Variants in COL23A1 observed in about 807,000 individuals in gnomAD.
COL23A1 encodes collagen alpha-1(XXIII) chain.
In COL23A1, 97 loss-of-function variants were observed where a neutral mutation model predicts 99.3. That is an observed-to-expected ratio of 0.98 (90% CI 0.83 to 1.16). The LOEUF (loss-of-function observed/expected upper bound fraction) is 1.16, where lower values mean the gene tolerates loss of function less well. COL23A1 is among the 50% of genes most tolerant of loss of function. The probability of loss-of-function intolerance (pLI) is 0.00; values close to 1 mark genes in which losing one functional copy is unlikely to be tolerated. For missense variants in COL23A1, 762 were observed against 757.4 expected, an observed-to-expected ratio of 1.01 and a Z score of -0.07; for synonymous variants, 320 against 308.2, an observed-to-expected ratio of 1.04 and a Z score of -0.40.
chr5:178,245,067 A>AT (rs1764600153), intron 25 of COL23A1, among the ~76,000 whole-genome samples: 4 of 124,800 alleles, frequency 3.2e-5, no homozygotes, highest in African/African-American at 1.4e-4. Context: ...CCATCCATCC[A>AT]CTCATCATCT....
Position 178,247,799 on chromosome 5 carries a change from GC to G in COL23A1, c.1244del (p.Gly415AlafsTer65). ...AQLIVEPGPP[G>X]PPGPPGPMGL... ...CCATCGGGCCTGGGGGGCCAGGGGGGCCAGGGGGCCCTGGCTCCACTATGAG... is the reference window on the plus strand; with the variant it reads ...CCATCGGGCCTGGGGGGCCAGGGGGGCAGGGGGCCCTGGCTCCACTATGAG... On this transcript the variant is annotated frameshift_variant, in exon 21 of 29. Transcript: ENST00000390654. LOFTEE classifies it high-confidence loss of function. 1 of 1,613,294 alleles carries G rather than the reference GC, an allele frequency of 6.2e-7. No individual in the cohort carries two copies. The highest frequency in any genetic ancestry group is 1.3e-5 in the African/African-American group (1 of 74,920).
chr5:178,579,117 C>G (rs1363329193), intron 1 of COL23A1, among the ~76,000 whole-genome samples: 4 of 152,092 alleles, frequency 2.6e-5, no homozygotes, highest in African/African-American at 9.7e-5. Flanking sequence ...TCTGTATATC[C>G]TTAATAGGAT....
At chr5:178,325,036 C>A (rs1450967528) in intron 2 of COL23A1, among the ~76,000 whole-genome samples, 1 of 151,908 alleles carries the variant, frequency 6.6e-6, no homozygotes, top group South Asian at 2.1e-4. Flanking sequence ...CTATTCCCAG[C>A]TTTGCAGCTG....
At chr5:178,476,442 G>C (rs1417067271) in intron 2 of COL23A1, among the ~76,000 whole-genome samples, 1 of 152,114 alleles carries the variant, frequency 6.6e-6, no homozygotes, top group Non-Finnish European at 1.5e-5. Flanking sequence ...TGGCTCCTTT[G>C]GTATTTGGGG....
Position 178,246,255 on chromosome 5 carries a change from T to G in COL23A1, c.1412A>C (p.Lys471Thr), listed in dbSNP as rs2127530797. ...LIGLPGTKGE[K>T]GRPGEPGLDG... is the part of the protein sequence containing the mutation. ...GGGAGTTCCGAATGAGGCGGTTACC[T>G]TCTCTCCTTTGGTTCCTGGCAGCCC... Residue 471 changes from lysine to threonine, a missense_variant and splice_region_variant, in exon 24 of 29, where the codon AAG (lysine) becomes ACG (threonine). Transcript: ENST00000390654. 1 of 1,553,602 alleles carries G rather than the reference T, an allele frequency of 6.4e-7. No homozygotes were observed. Among genetic ancestry groups the G allele is most frequent in the East Asian group, 2.4e-5 (1 of 41,294 alleles).
chr5:178,424,273 A>C (rs2127802851), intron 2 of COL23A1, among the ~76,000 whole-genome samples: 1 of 152,358 alleles, frequency 6.6e-6, no homozygotes, highest in Non-Finnish European at 1.5e-5. Context: ...GATGAAGCCT[A>C]CAGGCTATGG....
chr5:178,359,675 G>A (rs1038311852), intron 2 of COL23A1, among the ~76,000 whole-genome samples: 2 of 152,316 alleles, frequency 1.3e-5, no homozygotes, highest in African/African-American at 2.4e-5. Context: ...CCTGCTGCAC[G>A]CTGGCTCTGT....
intron 2 of COL23A1, among the ~76,000 whole-genome samples, chr5:178,451,798 T>C (rs898942834): frequency 6.6e-5 from 10 of 152,006 alleles, no homozygotes; most frequent in Non-Finnish European, 1.3e-4. Context: ...ACAAGATACC[T>C]AGAAATAAAT....
At chr5:178,272,776 G>A (rs187439209) in intron 5 of COL23A1, among the ~76,000 whole-genome samples, 1 of 151,990 alleles carries the variant, frequency 6.6e-6, no homozygotes, top group African/African-American at 2.4e-5. Context: ...CCTGCTGGGT[G>A]TCCTCAAGGT....
At chr5:178,300,920 T>C (rs967306408) in intron 3 of COL23A1, among the ~76,000 whole-genome samples, 3 of 152,212 alleles carry the variant, frequency 2.0e-5, no homozygotes, top group African/African-American at 7.2e-5. Context: ...GGTATGTATC[T>C]CTTTGAGTTT....
At chr5:178,319,467 C>T (rs1030869464) in intron 2 of COL23A1, among the ~76,000 whole-genome samples, 1 of 152,102 alleles carries the variant, frequency 6.6e-6, no homozygotes, top group African/African-American at 2.4e-5. Context: ...TTGTAACCTG[C>T]CTGCTAAAAG....
At chr5:178,359,656 C>A (rs942582570) in intron 2 of COL23A1, among the ~76,000 whole-genome samples, 5 of 152,228 alleles carry the variant, frequency 3.3e-5, no homozygotes, top group African/African-American at 1.2e-4. Flanking sequence ...ACCCAGTCTA[C>A]ATTTCTCTCC....
intron 2 of COL23A1, among the ~76,000 whole-genome samples, chr5:178,533,117 G>A (rs963530040): frequency 4.6e-5 from 7 of 152,202 alleles, no homozygotes; most frequent in African/African-American, 1.7e-4. Flanking sequence ...GGAAAAATGA[G>A]ATTGTGACTA....
intron 2 of COL23A1, among the ~76,000 whole-genome samples, chr5:178,372,977 T>A (rs1337746738): frequency 6.6e-6 from 1 of 151,132 alleles, no homozygotes. Flanking sequence ...TCACCCAGGC[T>A]GGAGTGCAGT....
chr5:178,338,068 G>A (rs1260264681), intron 2 of COL23A1, among the ~76,000 whole-genome samples: 2 of 152,154 alleles, frequency 1.3e-5, no homozygotes, highest in Admixed American at 6.5e-5. Flanking sequence ...TGTACTTGGG[G>A]CCACACATCT....
chr5:178,585,180 G>C (rs1361643757), intron 1 of COL23A1, among the ~76,000 whole-genome samples: 2 of 152,158 alleles, frequency 1.3e-5, no homozygotes, highest in Non-Finnish European at 2.9e-5. Context: ...AAAGCAGAAG[G>C]AAGGCCCAGT....
intron 2 of COL23A1, among the ~76,000 whole-genome samples, chr5:178,336,317 C>T (rs545558199): frequency 3.3e-5 from 5 of 152,226 alleles, no homozygotes; most frequent in South Asian, 4.1e-4. Flanking sequence ...TCACAACAGC[C>T]GAAAGGCAGA....
At chr5:178,451,475 G>T (rs1438320764) in intron 2 of COL23A1, among the ~76,000 whole-genome samples, 1 of 151,958 alleles carries the variant, frequency 6.6e-6, no homozygotes, top group Non-Finnish European at 1.5e-5. Flanking sequence ...GGCCAACATG[G>T]TGAAACCCTG....
chr5:178,368,035 G>A (rs1762586320), intron 2 of COL23A1, among the ~76,000 whole-genome samples: 1 of 152,222 alleles, frequency 6.6e-6, no homozygotes, highest in Non-Finnish European at 1.5e-5. Context: ...GAGGGGCAGG[G>A]AAGGACTGAT....
Sources: gnomAD v4.1 joint callset for allele counts (sites outside exome capture counted in the v4.1 genomes callset) on GRCh38, gnomAD v4.1.1 for gene constraint, MANE v1.5 for transcripts, NCBI Gene and HGNC (gene_info 2026-07-23, HGNC 2026-07-21) for gene names.